The following ITFG1 variants were observed in gnomAD, a reference collection of about 807,000 sequenced individuals.
The protein encoded by ITFG1 is T-cell immunomodulatory protein.
ITFG1 carries 34 observed loss-of-function variants against 81.8 expected under a neutral mutation model. The ratio of observed to expected loss-of-function variants is 0.42; its 90% CI spans 0.32 to 0.55. ITFG1 has a LOEUF of 0.55. ITFG1 is among the 20% of genes least tolerant of loss of function. The probability of loss-of-function intolerance (pLI) is 0.17; values close to 1 mark genes in which losing one functional copy is unlikely to be tolerated. For missense variants in ITFG1, 672 were observed against 755.4 expected (o/e 0.89, Z 1.29); for synonymous variants, 285 against 270.6 (o/e 1.05, Z -0.52).
At chr16:47,287,567 T>C (rs1465853712) in intron 10 of ITFG1, among the ~76,000 whole-genome samples, 2 of 151,908 alleles carry the variant, frequency 1.3e-5, no homozygotes, top group Non-Finnish European at 2.9e-5. Flanking sequence ...TGTCTGGCTA[T>C]TATAAAATTT....
chr16:47,269,503 A>AAC (rs1306654817), intron 10 of ITFG1, among the ~76,000 whole-genome samples: 3 of 148,974 alleles, frequency 2.0e-5, no homozygotes, highest in African/African-American at 7.4e-5. Flanking sequence ...AAAAAAAAAA[A>AAC]CTTGAAAAAA....
intron 5 of ITFG1, among the ~76,000 whole-genome samples, chr16:47,441,678 C>T (rs1218997408): frequency 6.6e-6 from 1 of 152,100 alleles, no homozygotes; most frequent in Non-Finnish European, 1.5e-5. Context: ...TGGGACATAT[C>T]TCAAAATAAT....
At chr16:47,322,622 G>GGAGGTTGCAGT (rs1967465563) in intron 8 of ITFG1, among the ~76,000 whole-genome samples, 1 of 152,090 alleles carries the variant, frequency 6.6e-6, no homozygotes, top group African/African-American at 2.4e-5. Flanking sequence ...CCCAGGAGAC[G>GGAGGTTGCAGT]GAGGTTGCAG....
intron 14 of ITFG1, among the ~76,000 whole-genome samples, chr16:47,167,198 C>T (rs1360374791): frequency 4.6e-5 from 7 of 152,156 alleles, no homozygotes; most frequent in Non-Finnish European, 1.0e-4. Context: ...CTGTGTCTGG[C>T]TTCTTTCACT....
chr16:47,243,858 C>T (rs1965965775), intron 12 of ITFG1, among the ~76,000 whole-genome samples: 1 of 152,100 alleles, frequency 6.6e-6, no homozygotes, highest in Non-Finnish European at 1.5e-5. Flanking sequence ...TGGTGAAACT[C>T]CGTTTGTACT....
At chr16:47,426,263 T>C (rs1341806570) in intron 6 of ITFG1, 1 of 152,086 alleles carries the variant, frequency 6.6e-6, no homozygotes, top group Non-Finnish European at 1.5e-5. Flanking sequence ...GCGGCTTACT[T>C]AAATGCAAAG....
At chr16:47,183,825 G>A (rs904399489) in intron 14 of ITFG1, among the ~76,000 whole-genome samples, 7 of 152,164 alleles carry the variant, frequency 4.6e-5, no homozygotes, top group Non-Finnish European at 1.0e-4. Flanking sequence ...GGCTTCAGAC[G>A]ATCAAATTAC....
intron 10 of ITFG1, among the ~76,000 whole-genome samples, chr16:47,298,064 A>G (rs991969415): frequency 9.2e-5 from 14 of 152,094 alleles, no homozygotes; most frequent in Non-Finnish European, 1.2e-4. Flanking sequence ...ATTTGTTTCA[A>G]GCAGTGAGAT....
At chr16:47,283,202 T>G (rs1324385508) in intron 10 of ITFG1, among the ~76,000 whole-genome samples, 2 of 152,166 alleles carry the variant, frequency 1.3e-5, no homozygotes, top group African/African-American at 4.8e-5. Flanking sequence ...TTCCAGGATT[T>G]TTATAGTTTC....
intron 12 of ITFG1, among the ~76,000 whole-genome samples, chr16:47,244,441 G>C (rs1290151395): frequency 1.3e-5 from 2 of 152,154 alleles, no homozygotes; most frequent in Non-Finnish European, 2.9e-5. Context: ...TGATTGGTTG[G>C]TGTACGGAGG....
At chr16:47,430,221 G>A (rs1969077599) in intron 5 of ITFG1, among the ~76,000 whole-genome samples, 1 of 151,142 alleles carries the variant, frequency 6.6e-6, no homozygotes, top group Admixed American at 6.6e-5. Flanking sequence ...CCATGTTTGG[G>A]TAATTTTTTG....
rs879323306 is a variant in ITFG1 at position 47,211,929 on chromosome 16, C to CT, written c.1453+6938dup. 1.0e-3 allele frequency among the ~76,000 whole-genome samples: 146 copies of CT among 144,620 alleles called. 1 individual carries two copies. Among genetic ancestry groups the CT allele is most frequent in the East Asian group, 3.4e-3 (17 of 5,002 alleles). The allele number at this position is 144,620 out of a possible 152,430, so 94.9% of individuals were successfully genotyped here. On this transcript the variant is annotated intron_variant, in intron 14 of 17. Transcript: ENST00000320640. ...TTCTACTCACTAATTTTTTTTCTTTCTTTTTTTTTTTGGTAGAGAAGGGGT... is the reference window on the plus strand; with the variant it reads ...TTCTACTCACTAATTTTTTTTCTTTCTTTTTTTTTTTTGGTAGAGAAGGGGT...
intron 6 of ITFG1, among the ~76,000 whole-genome samples, chr16:47,425,292 C>G (rs972761819): frequency 6.6e-6 from 1 of 152,148 alleles, no homozygotes; most frequent in Non-Finnish European, 1.5e-5. Flanking sequence ...GTTGCTAAGA[C>G]CGTGGGAAAA....
intron 1 of ITFG1, 91 bp from the exon 2 acceptor site, chr16:47,459,266 A>C: frequency 1.2e-6 from 1 of 835,776 alleles, no homozygotes; most frequent in Non-Finnish European, 2.0e-6. Flanking sequence ...CACTGTTCTC[A>C]ACAAGAAAAC....
At chr16:47,181,536 C>T (rs1269750164) in intron 14 of ITFG1, among the ~76,000 whole-genome samples, 2 of 139,158 alleles carry the variant, frequency 1.4e-5, no homozygotes, top group Non-Finnish European at 3.1e-5. Context: ...CCAGCCTCCC[C>T]GTCTGGCAGG....
intron 6 of ITFG1, among the ~76,000 whole-genome samples, chr16:47,427,459 C>T (rs1969037368): frequency 6.6e-6 from 1 of 152,048 alleles, no homozygotes. Flanking sequence ...GAGTTCGAGA[C>T]CAGCCTGGCC....
intron 6 of ITFG1, chr16:47,425,793 G>A (rs965035303): frequency 3.3e-5 from 5 of 151,924 alleles, no homozygotes; most frequent in Admixed American, 1.3e-4. Flanking sequence ...GTTTCACCAT[G>A]TTGCGTAGAT....
intron 8 of ITFG1, among the ~76,000 whole-genome samples, chr16:47,325,943 A>G (rs945200621): frequency 6.6e-6 from 1 of 152,218 alleles, no homozygotes; most frequent in African/African-American, 2.4e-5. Context: ...CAATCAACAC[A>G]AAAAGAGGGA....
At chr16:47,339,629 A>G (rs1215145381) in intron 8 of ITFG1, among the ~76,000 whole-genome samples, 1 of 152,198 alleles carries the variant, frequency 6.6e-6, no homozygotes, top group Non-Finnish European at 1.5e-5. Context: ...AACAGGCACA[A>G]GAAACAGTGA....
Sources: gnomAD v4.1 joint callset for allele counts (sites outside exome capture counted in the v4.1 genomes callset) on GRCh38, gnomAD v4.1.1 for gene constraint, MANE v1.5 for transcripts, NCBI Gene and HGNC (gene_info 2026-07-23, HGNC 2026-07-21) for gene names.